Variants in SLC10A7 observed in about 807,000 individuals in gnomAD.
SLC10A7 encodes the protein solute carrier family 10 member 7.
A neutral mutation model predicts 43.2 loss-of-function variants in SLC10A7; 29 were observed. That is an observed-to-expected ratio of 0.67 (90% CI 0.50 to 0.92). The LOEUF is 0.92. Ranked by LOEUF, SLC10A7 falls within the 40% of genes least tolerant of loss-of-function variation. The probability of loss-of-function intolerance (pLI) is 0.00; values close to 1 mark genes in which losing one functional copy is unlikely to be tolerated. For missense variants in SLC10A7, 295 were observed against 403.2 expected (o/e 0.73, Z 2.30); for synonymous variants, 152 against 144.8 (o/e 1.05, Z -0.35).
intron 4 of SLC10A7, 61 bp downstream of exon 4, chr4:146,503,788 T>C (rs1302307062): frequency 7.5e-6 from 11 of 1,470,848 alleles, no homozygotes; most frequent in Non-Finnish European, 1.0e-5. Context: ...AAATGTGATA[T>C]ATTTTTGAAA....
chr4:146,442,782 C>A lies in SLC10A7; in HGVS notation c.435+1G>T. On this transcript the variant is annotated splice_donor_variant, in intron 5 of 11. Coordinates refer to ENST00000335472, the MANE Select transcript of SLC10A7 (RefSeq NM_001029998.6). LOFTEE classifies it high-confidence loss of function. ...AGACAAGTTAAACTATGTTTACTTA[C>A]CAAAAAACTTCCAAAGGCTGAATTA... The A allele has an allele frequency of 2.5e-6, 4 of 1,601,756 alleles. No individual in the cohort carries two copies. The highest frequency in any genetic ancestry group is 3.4e-6 in the Non-Finnish European group (4 of 1,176,330).
rs911716252 is a variant in SLC10A7, at chr4:146,303,117, T to C, written c.555+2809A>G. ...CTAATGACTGGTCAGTGTAAGAGTA[T>C]AAAGACCAGGTGCTCTTGCCTTAAG... On this transcript the variant is annotated intron_variant, in intron 7 of 11. Coordinates refer to ENST00000335472, the MANE Select transcript of SLC10A7 (RefSeq NM_001029998.6). Among the ~76,000 whole-genome samples the C allele has an allele frequency of 5.9e-4, 90 of 152,272 alleles. 1 individual carries two copies. Among genetic ancestry groups the C allele is most frequent in the Admixed American group, 5.8e-3 (89 of 15,302 alleles).
At chr4:146,516,382 C>A (rs1407389008) in intron 2 of SLC10A7, among the ~76,000 whole-genome samples, 2 of 150,452 alleles carry the variant, frequency 1.3e-5, no homozygotes, top group Non-Finnish European at 3.0e-5. Flanking sequence ...CAGTAAATAA[C>A]ATTACATATA....
chr4:146,399,831 T>TA (rs1341079615), intron 5 of SLC10A7, among the ~76,000 whole-genome samples: 2 of 152,122 alleles, frequency 1.3e-5, no homozygotes, highest in African/African-American at 4.8e-5. Flanking sequence ...AAATACTTTT[T>TA]AGATATCTAG....
chr4:146,403,567 T>C (rs1484404617), intron 5 of SLC10A7, among the ~76,000 whole-genome samples: 2 of 152,322 alleles, frequency 1.3e-5, no homozygotes, highest in African/African-American at 4.8e-5. Flanking sequence ...TATACCTGCA[T>C]GTATACTTCA....
chr4:146,501,844 C>T (rs771397971), intron 4 of SLC10A7, among the ~76,000 whole-genome samples: 4 of 152,156 alleles, frequency 2.6e-5, no homozygotes, highest in Non-Finnish European at 5.9e-5. Context: ...TTTTCTCTCA[C>T]ACCCCACATC....
At chr4:146,459,964 T>G (rs1447008278) in intron 4 of SLC10A7, among the ~76,000 whole-genome samples, 1 of 151,734 alleles carries the variant, frequency 6.6e-6, no homozygotes, top group African/African-American at 2.4e-5. Context: ...TAAAACAAAA[T>G]AAAACAAAAC....
At chr4:146,506,109 T>C (rs2150035980) in intron 3 of SLC10A7, among the ~76,000 whole-genome samples, 1 of 152,260 alleles carries the variant, frequency 6.6e-6, no homozygotes, top group Non-Finnish European at 1.5e-5. Flanking sequence ...ATCCCTCCTC[T>C]TCCAGCCCCT....
chr4:146,495,405 G>A (rs1028758102), intron 4 of SLC10A7, among the ~76,000 whole-genome samples: 2 of 152,148 alleles, frequency 1.3e-5, no homozygotes, highest in African/African-American at 4.8e-5. Flanking sequence ...ATGTTTCAAT[G>A]AATCTTATCT....
At chr4:146,480,806 G>A (rs1202980401) in intron 4 of SLC10A7, among the ~76,000 whole-genome samples, 1 of 151,946 alleles carries the variant, frequency 6.6e-6, no homozygotes, top group Non-Finnish European at 1.5e-5. Flanking sequence ...ATGTCAGCAA[G>A]ATGGCTGACA....
chr4:146,457,814 C>G lies in SLC10A7; in HGVS notation c.397-14993G>C, dbSNP rs1194079629. ...AACAGATGACCTAAATTTTCTATTA[C>G]CTATCAAAGACATTAAATGTGTAGT... On this transcript the variant is annotated intron_variant, in intron 4 of 11. Coordinates refer to ENST00000335472, the MANE Select transcript of SLC10A7 (RefSeq NM_001029998.6). Among the ~76,000 whole-genome samples the G allele has an allele frequency of 1.3e-5, 2 of 151,812 alleles. 1 individual carries two copies. The highest frequency in any genetic ancestry group is 2.9e-5 in the Non-Finnish European group (2 of 67,854).
intron 9 of SLC10A7, among the ~76,000 whole-genome samples, chr4:146,284,444 C>T (rs1029616198): frequency 8.5e-5 from 13 of 152,196 alleles, no homozygotes; most frequent in African/African-American, 3.1e-4. Context: ...AGAAGAGTCC[C>T]CTCAACTCCC....
At chr4:146,341,835 A>G (rs745439662) in intron 5 of SLC10A7, among the ~76,000 whole-genome samples, 52 of 152,010 alleles carry the variant, frequency 3.4e-4, no homozygotes, top group Non-Finnish European at 5.9e-4. Flanking sequence ...TACAGAAAAT[A>G]TTATAAGGAA....
At chr4:146,330,131 T>C (rs928483098) in intron 5 of SLC10A7, among the ~76,000 whole-genome samples, 1 of 152,190 alleles carries the variant, frequency 6.6e-6, no homozygotes, top group African/African-American at 2.4e-5. Context: ...ACCTCAGATG[T>C]GAATGACTAG....
Position 146,393,075 on chromosome 4 carries a change from G to T in SLC10A7, c.435+49708C>A, listed in dbSNP as rs570352599. Reference sequence around the variant, plus strand: ...AAAAGTCAATTGTGTCCCAGCTATTGCAGGGTGGTGGGTGGCTGAGGTGGA... The same window carrying T: ...AAAAGTCAATTGTGTCCCAGCTATTTCAGGGTGGTGGGTGGCTGAGGTGGA... On this transcript the variant is annotated intron_variant, in intron 5 of 11. Coordinates refer to ENST00000335472, the MANE Select transcript of SLC10A7 (RefSeq NM_001029998.6). Among the ~76,000 whole-genome samples, 11 of 151,406 alleles carry T rather than the reference G, an allele frequency of 7.3e-5. No homozygotes were observed. The South Asian group carries it at 2.1e-3, about 29-fold the overall frequency.
At chr4:146,460,021 A>G (rs996302002) in intron 4 of SLC10A7, among the ~76,000 whole-genome samples, 2 of 151,968 alleles carry the variant, frequency 1.3e-5, no homozygotes, top group African/African-American at 4.8e-5. Context: ...AAAAATGGGC[A>G]AAAGATTTGA....
chr4:146,306,110 A>T (rs1299609667), intron 6 of SLC10A7, 101 bp from the exon 7 acceptor site: 6 of 879,204 alleles, frequency 6.8e-6, no homozygotes, highest in Non-Finnish European at 9.6e-6. Flanking sequence ...GGCGCACCAA[A>T]AATTTGGTAG....
chr4:146,468,835 T>C (rs565698843), intron 4 of SLC10A7, among the ~76,000 whole-genome samples: 1 of 152,284 alleles, frequency 6.6e-6, no homozygotes, highest in African/African-American at 2.4e-5. Context: ...TAACCTGTTA[T>C]GTGGGGGGTA....
chr4:146,285,804 A>G (rs1457720113), intron 9 of SLC10A7, among the ~76,000 whole-genome samples: 1 of 152,124 alleles, frequency 6.6e-6, no homozygotes, highest in Non-Finnish European at 1.5e-5. Context: ...CTGTGTTTGG[A>G]GTGGTGAGAA....
Sources: allele counts gnomAD v4.1 joint callset (sites outside exome capture counted in the v4.1 genomes callset), GRCh38; gene constraint gnomAD v4.1.1; transcripts MANE v1.5; gene names NCBI Gene and HGNC (gene_info 2026-07-23, HGNC 2026-07-21).